The following SBF2 variants were observed in gnomAD, a reference collection of about 807,000 sequenced individuals.
The protein encoded by SBF2 is SET binding factor 2.
SBF2 carries 112 observed loss-of-function variants against 225.2 expected under a neutral mutation model. That is an observed-to-expected ratio of 0.50 (90% CI 0.43 to 0.58). SBF2 has a LOEUF of 0.58. SBF2 is among the 20% of genes least tolerant of loss of function. The pLI is 0.00. For synonymous variants in SBF2, 763 were observed against 773.3 expected, an observed-to-expected ratio of 0.99 and a Z score of 0.22; for missense variants, 1,996 against 2,206.2, an observed-to-expected ratio of 0.90 and a Z score of 1.91.
At chr11:9,991,344 CT>C (rs1242749866) in intron 12 of SBF2, among the ~76,000 whole-genome samples, 3 of 152,142 alleles carry the variant, frequency 2.0e-5, no homozygotes, top group African/African-American at 7.2e-5. Flanking sequence ...TGTGCCTCTT[CT>C]TTAAAAATTC....
chr11:9,805,630 T>A (rs1275171522), intron 32 of SBF2, among the ~76,000 whole-genome samples: 1 of 152,188 alleles, frequency 6.6e-6, no homozygotes, highest in East Asian at 1.9e-4. Context: ...TAGATTTTTT[T>A]TTTTTCCCCC....
chr11:9,825,535 G>A (rs1265271569), intron 28 of SBF2, among the ~76,000 whole-genome samples: 2 of 152,190 alleles, frequency 1.3e-5, no homozygotes, highest in African/African-American at 2.4e-5. Context: ...GAGGTTGAAA[G>A]CTCTTAGGAA....
intron 6 of SBF2, among the ~76,000 whole-genome samples, chr11:10,014,495 C>A (rs1468879687): frequency 8.3e-6 from 1 of 121,090 alleles, no homozygotes; most frequent in Non-Finnish European, 1.7e-5. Flanking sequence ...ATTGTTTCAG[C>A]CATTTCAACT....
intron 1 of SBF2, among the ~76,000 whole-genome samples, chr11:10,248,947 T>A (rs1469585972): frequency 6.6e-6 from 1 of 151,996 alleles, no homozygotes; most frequent in African/African-American, 2.4e-5. Flanking sequence ...TACAAAAAAA[T>A]TAGCTGGGGG....
chr11:9,910,479 T>C (rs1033169682), intron 16 of SBF2, among the ~76,000 whole-genome samples: 5 of 152,144 alleles, frequency 3.3e-5, no homozygotes, highest in Non-Finnish European at 7.4e-5. Context: ...TTAAAAAAAA[T>C]AGCTAATGGT....
chr11:10,072,504 G>T (rs530536620), intron 2 of SBF2, among the ~76,000 whole-genome samples: 1 of 151,792 alleles, frequency 6.6e-6, no homozygotes. Context: ...TTGACAAATA[G>T]TAATAATTCT....
intron 2 of SBF2, among the ~76,000 whole-genome samples, chr11:10,073,164 T>C (rs1050645247): frequency 2.0e-5 from 3 of 152,110 alleles, no homozygotes; most frequent in African/African-American, 7.2e-5. Context: ...GAATATGAAG[T>C]GCTTAGAATT....
intron 25 of SBF2, among the ~76,000 whole-genome samples, chr11:9,840,895 C>A: frequency 6.7e-6 from 1 of 149,532 alleles, no homozygotes; most frequent in Non-Finnish European, 1.5e-5. Context: ...ACTCAATAAT[C>A]AAATATTTTA....
At chr11:10,181,271 A>G (rs1956724365) in intron 2 of SBF2, among the ~76,000 whole-genome samples, 1 of 152,116 alleles carries the variant, frequency 6.6e-6, no homozygotes, top group Non-Finnish European at 1.5e-5. Flanking sequence ...TCATCTCAGC[A>G]ATTACTAAGT....
intron 27 of SBF2, among the ~76,000 whole-genome samples, chr11:9,831,230 C>T (rs945979317): frequency 1.2e-4 from 19 of 152,156 alleles, no homozygotes; most frequent in Admixed American, 4.6e-4. Flanking sequence ...AACTCCTGGG[C>T]GCAAGCAATC....
chr11:10,087,620 T>C (rs933233236), intron 2 of SBF2, among the ~76,000 whole-genome samples: 4 of 152,360 alleles, frequency 2.6e-5, no homozygotes, highest in Middle Eastern at 3.4e-3. Flanking sequence ...ACAGTGTTAG[T>C]ATTTCATACC....
intron 2 of SBF2, among the ~76,000 whole-genome samples, chr11:10,099,036 G>T (rs895320725): frequency 6.6e-6 from 1 of 151,908 alleles, no homozygotes; most frequent in Non-Finnish European, 1.5e-5. Flanking sequence ...CAAAAAGAAA[G>T]AAGCAAAAGG....
At chr11:9,790,786 G>A in intron 33 of SBF2, 103 bp from the exon 34 acceptor site, 1 of 909,804 alleles carries the variant, frequency 1.1e-6, no homozygotes, top group Non-Finnish European at 1.7e-6. Context: ...TATTTTTTAT[G>A]GCTTTAAAAA....
At chr11:10,286,846 GT>G (rs1253108824) in intron 1 of SBF2, among the ~76,000 whole-genome samples, 1 of 152,150 alleles carries the variant, frequency 6.6e-6, no homozygotes, top group Non-Finnish European at 1.5e-5. Flanking sequence ...AATTAGAAAA[GT>G]TTGTCAGTCT....
chr11:9,854,420 A>G (rs1276610138), intron 19 of SBF2, among the ~76,000 whole-genome samples: 1 of 152,164 alleles, frequency 6.6e-6, no homozygotes, highest in East Asian at 1.9e-4. Context: ...ACTCTGGGAA[A>G]AGACTCATTT....
At position 10,200,907 on chromosome 11, in the gene SBF2, G is replaced by C. The variant is rs190201267; in HGVS notation, c.56-6920C>G. Among the ~76,000 whole-genome samples, 4 of 152,204 alleles carry C rather than the reference G, an allele frequency of 2.6e-5. No homozygotes were observed. In the East Asian group the frequency reaches 7.7e-4, roughly 29 times the overall value. ...AAAAAATTCATCAATATTGGCATAAGTCCAATTATAATTTCCCGATAATAA... is the reference window on the plus strand; with the variant it reads ...AAAAAATTCATCAATATTGGCATAACTCCAATTATAATTTCCCGATAATAA... On this transcript the variant is annotated intron_variant, in intron 1 of 39. Transcript: ENST00000256190.
chr11:9,853,816 GTCTACTCAAGTAGAAGGC>G, intron 19 of SBF2, 104 bp from the exon 20 acceptor site: 3 of 1,037,284 alleles, frequency 2.9e-6, no homozygotes, highest in Non-Finnish European at 4.5e-6. Context: ...GCAAAGTGAT[GTCTACTCAAGTAGAAGGC>G]TCACTTAACT....
At chr11:10,172,964 G>A (rs1447376461) in intron 2 of SBF2, among the ~76,000 whole-genome samples, 3 of 152,162 alleles carry the variant, frequency 2.0e-5, no homozygotes, top group African/African-American at 7.2e-5. Flanking sequence ...CAGCGTGCCT[G>A]GCCTTAATTT....
In SBF2 at chr11:10,223,399, T is replaced by TTTTATATATATA. The variant is rs1279386744; in HGVS notation, c.56-29413_56-29412insTATATATATAAA. Among the ~76,000 whole-genome samples the TTTTATATATATA allele has an allele frequency of 1.2e-3, 69 of 59,232 alleles. 1 individual carries two copies. Among genetic ancestry groups the TTTTATATATATA allele is most frequent in the Non-Finnish European group, 1.9e-3 (55 of 29,358 alleles). 38.9% of individuals were successfully genotyped at this position (59,232 alleles called of 152,430 possible). On this transcript the variant is annotated intron_variant, in intron 1 of 39. Coordinates refer to ENST00000256190, the MANE Select transcript of SBF2 (RefSeq NM_030962.4). ...CAATAAACAACACATATTTTGCACATTATATATATATATATATATATATAT... is the reference window on the plus strand; with the variant it reads ...CAATAAACAACACATATTTTGCACATTTTATATATATATATATATATATATATATATATATAT...
Sources: gnomAD v4.1 joint callset for allele counts (sites outside exome capture counted in the v4.1 genomes callset) on GRCh38, gnomAD v4.1.1 for gene constraint, MANE v1.5 for transcripts, NCBI Gene and HGNC (gene_info 2026-07-23, HGNC 2026-07-21) for gene names.